ZZEF1: variants seen among roughly 807,000 people sequenced by gnomAD.
The protein encoded by ZZEF1 is zinc finger ZZ-type and EF-hand domain-containing protein 1.
Under a neutral mutation model 342.8 loss-of-function variants are expected in ZZEF1, and 157 were observed. The observed-to-expected ratio is 0.46, with a 90% confidence interval of 0.40 to 0.52. ZZEF1 has a LOEUF of 0.52. ZZEF1 is among the 20% of genes least tolerant of loss of function. The pLI is 0.00. For missense variants in ZZEF1, 3,480 were observed against 3,725.6 expected, an observed-to-expected ratio of 0.93 and a Z score of 1.72; for synonymous variants, 1,505 against 1,429.1, an observed-to-expected ratio of 1.05 and a Z score of -1.20.
At chr17:4,083,042 C>T (rs1349697445) in intron 16 of ZZEF1, among the ~76,000 whole-genome samples, 8 of 152,290 alleles carry the variant, frequency 5.3e-5, no homozygotes, top group East Asian at 1.9e-4. Flanking sequence ...TCCCAAAGTG[C>T]TGGGATTACA....
intron 16 of ZZEF1, among the ~76,000 whole-genome samples, chr17:4,083,593 C>G (rs1395453706): frequency 1.3e-5 from 2 of 151,732 alleles, no homozygotes; most frequent in Admixed American, 1.3e-4. Flanking sequence ...TAGACTGCTG[C>G]TGCTGCCCTT....
intron 7 of ZZEF1, 93 bp downstream of exon 7, chr17:4,105,600 C>T (rs925626233): frequency 1.7e-5 from 17 of 987,452 alleles, no homozygotes; most frequent in Non-Finnish European, 2.3e-5. Flanking sequence ...TAGTGGTGAT[C>T]GTTAAAAGAT....
At chr17:4,122,341 T>TC (rs985924315) in intron 2 of ZZEF1, among the ~76,000 whole-genome samples, 3 of 150,352 alleles carry the variant, frequency 2.0e-5, no homozygotes, top group African/African-American at 4.9e-5. Flanking sequence ...AAGTCTGAGC[T>TC]CCCCCCCAAA....
At chr17:4,058,218 A>C in intron 31 of ZZEF1, 63 bp from the exon 32 acceptor site, 1 of 1,506,622 alleles carries the variant, frequency 6.6e-7, no homozygotes, top group Non-Finnish European at 8.9e-7. Context: ...CAACAGAAGC[A>C]ATTCAAGTAG....
intron 6 of ZZEF1, among the ~76,000 whole-genome samples, chr17:4,108,033 A>G (rs1182462392): frequency 2.6e-5 from 4 of 152,258 alleles, no homozygotes; most frequent in African/African-American, 9.6e-5. Context: ...GTGGCTGACT[A>G]TAATCTAGTG....
Position 4,019,816 on chromosome 17 carries a change from A to G in ZZEF1, c.7405-47T>C, listed in dbSNP as rs776300187. 4.9e-6 allele frequency: 7 copies of G among 1,437,316 alleles called. No individual in the cohort carries two copies. The Admixed American group carries it at 1.1e-4, about 22-fold the overall frequency. 89.0% of individuals were successfully genotyped at this position (1,437,316 alleles called of 1,614,324 possible). On this transcript the variant is annotated intron_variant, in intron 45 of 54. Coordinates refer to ENST00000381638, the MANE Select transcript of ZZEF1 (RefSeq NM_015113.4). ...AGACAAGAACCATTAACAGTGCTTC[A>G]ATACGGTATTGATCAACTGAACTCA... is the stretch of plus-strand genomic sequence containing the variant.
rs1023417169 is a variant in ZZEF1 at position 4,056,249 on chromosome 17, T to G, written c.5262A>C (p.Lys1754Asn). Residue 1754 changes from lysine to asparagine, a missense_variant, in exon 33 of 55, where the codon AAA becomes AAC. By Grantham distance (94) the Lys-to-Asn change is moderately conservative. This residue lies in a region of ZZEF1 where 175 missense variants were observed against 254.6 expected (regional missense o/e 0.69). Transcript: ENST00000381638. Reference protein sequence around the residue: ...QDGMFEAWYEKIAQEDPEKQR... With the variant: ...QDGMFEAWYENIAQEDPEKQR... ...GCTTCTCTGGATCTTCCTGGGCTAT[T>G]TTTTCATACCAGGCCTCAAACATGC... 1.9e-6 allele frequency: 3 copies of G among 1,590,556 alleles called. No homozygotes were observed. Among genetic ancestry groups the G allele is most frequent in the Non-Finnish European group, 2.6e-6 (3 of 1,168,258 alleles).
At chr17:4,020,819 G>A (rs779405101) in intron 45 of ZZEF1, among the ~76,000 whole-genome samples, 4 of 152,208 alleles carry the variant, frequency 2.6e-5, no homozygotes, top group Admixed American at 6.5e-5. Context: ...GTTCATGGAC[G>A]AGCCTTAGGG....
chr17:4,014,324 T>TA lies in ZZEF1; in HGVS notation c.8314+22dup. 6.2e-7 allele frequency: 1 copy of TA among 1,614,062 alleles called. No homozygotes were observed. Among genetic ancestry groups the TA allele is most frequent in the Non-Finnish European group, 8.5e-7 (1 of 1,179,952 alleles). On this transcript the variant is annotated intron_variant, in intron 50 of 54. Transcript: ENST00000381638. The surrounding 1 kb of genome is among the most constrained non-coding windows in gnomAD (Gnocchi z 4.4). ...AAACACTGCCTGTGAAGAACCTATCTAATCGAGTATTTGTTTCACTACCTG... is the reference window on the plus strand; with the variant it reads ...AAACACTGCCTGTGAAGAACCTATCTAAATCGAGTATTTGTTTCACTACCTG...
intron 31 of ZZEF1, among the ~76,000 whole-genome samples, chr17:4,058,380 A>G (rs1406161529): frequency 6.6e-6 from 1 of 152,228 alleles, no homozygotes; most frequent in Non-Finnish European, 1.5e-5. Context: ...TGCCAGGACC[A>G]CCACAGGGGT....
chr17:4,043,718 G>A (rs1465203194), intron 38 of ZZEF1, among the ~76,000 whole-genome samples: 2 of 152,198 alleles, frequency 1.3e-5, no homozygotes, highest in African/African-American at 2.4e-5. Flanking sequence ...TGCTCCTGTT[G>A]GCCTTTCTTC....
intron 1 of ZZEF1, 101 bp downstream of exon 1, chr17:4,142,441 G>T: frequency 8.0e-7 from 1 of 1,257,106 alleles, no homozygotes; most frequent in Non-Finnish European, 1.1e-6. Context: ...ACCTCATATG[G>T]GTCCCCGCCT....
chr17:4,040,427 C>G (rs747510589), intron 39 of ZZEF1, among the ~76,000 whole-genome samples: 47 of 152,226 alleles, frequency 3.1e-4, no homozygotes, highest in Non-Finnish European at 5.6e-4. Flanking sequence ...AGCAGCCAAC[C>G]AACCAAGTGA....
intron 1 of ZZEF1, among the ~76,000 whole-genome samples, chr17:4,127,322 AC>A (rs1326142086): frequency 6.6e-6 from 1 of 152,156 alleles, no homozygotes; most frequent in African/African-American, 2.4e-5. Context: ...TTAAGGAGAA[AC>A]TGGACTTTGT....
At chr17:4,134,351 T>C (rs956463939) in intron 1 of ZZEF1, among the ~76,000 whole-genome samples, 2 of 140,596 alleles carry the variant, frequency 1.4e-5, no homozygotes, top group Non-Finnish European at 3.1e-5. Flanking sequence ...TTTATATATA[T>C]TTATATATAT....
At chr17:4,117,792 G>A (rs762327191) in intron 2 of ZZEF1, among the ~76,000 whole-genome samples, 3 of 151,954 alleles carry the variant, frequency 2.0e-5, no homozygotes, top group Non-Finnish European at 4.4e-5. Context: ...AGGAAGTCTT[G>A]CGTATAGAAT....
intron 23 of ZZEF1, 73 bp downstream of exon 23, chr17:4,075,024 T>C (rs2057582806): frequency 1.4e-6 from 2 of 1,473,552 alleles, no homozygotes; most frequent in Middle Eastern, 1.7e-4. Flanking sequence ...TTACCTCTAC[T>C]GCCCCCTGAA....
rs936953995 is a variant in ZZEF1 at position 4,122,377 on chromosome 17, TTTTC to T, written c.499+1526_499+1529del. Among the ~76,000 whole-genome samples the T allele has an allele frequency of 9.9e-5, 15 of 151,938 alleles. 1 individual carries two copies. The highest frequency in any genetic ancestry group is 3.6e-4 in the African/African-American group (15 of 41,384). ...AAAATACAAAAACACAGGCCATGTC[TTTTC>T]TTTTTTTTTTTTTCCAGACGGAGTT... is the stretch of plus-strand genomic sequence containing the variant. On this transcript the variant is annotated intron_variant, in intron 2 of 54. Transcript: ENST00000381638.
intron 1 of ZZEF1, among the ~76,000 whole-genome samples, chr17:4,130,430 G>T (rs184776100): frequency 9.6e-4 from 146 of 152,230 alleles, no homozygotes; most frequent in Middle Eastern, 6.8e-3. Flanking sequence ...TCCAGCTTGG[G>T]TGACAGAGTA....
Sources: gnomAD v4.1 joint callset for allele counts (sites outside exome capture counted in the v4.1 genomes callset) on GRCh38, gnomAD v4.1.1 for gene constraint, gnomAD v4.1.1 regional missense constraint, Gnocchi (gnomAD v3.1) non-coding constraint, MANE v1.5 for transcripts, NCBI Gene and HGNC (gene_info 2026-07-23, HGNC 2026-07-21) for gene names.